GPM6B: variants seen among roughly 807,000 people sequenced by gnomAD.
The protein encoded by GPM6B is glycoprotein M6B, also known as neuronal membrane glycoprotein M6-b.
Under a neutral mutation model 27.2 loss-of-function variants are expected in GPM6B, and 4 were observed. The ratio of observed to expected loss-of-function variants is 0.15; its 90% CI spans 0.07 to 0.34. The LOEUF (loss-of-function observed/expected upper bound fraction) is 0.34, where lower values mean the gene tolerates loss of function less well. Among genes scored for constraint, GPM6B ranks in the 10% least tolerant of loss-of-function variants. The pLI, the probability that GPM6B is intolerant of heterozygous loss-of-function variation, is 1.00. For synonymous variants in GPM6B, 124 were observed against 103.1 expected, an observed-to-expected ratio of 1.20 and a Z score of -1.23; for missense variants, 183 against 261.9, an observed-to-expected ratio of 0.70 and a Z score of 2.08.
chrX:13,853,716 G>C (rs2049748377), intron 1 of GPM6B, among the ~76,000 whole-genome samples: 1 of 109,124 alleles, frequency 9.2e-6, no homozygotes, highest in African/African-American at 3.3e-5. Context: ...CCCTACCAAT[G>C]AAGTCACAAT....
At chrX:13,923,047 G>C (rs1454138757) in intron 1 of GPM6B, among the ~76,000 whole-genome samples, 1 of 111,465 alleles carries the variant, frequency 9.0e-6, no homozygotes, top group South Asian at 3.8e-4. Context: ...GTGGTGGTAC[G>C]CACCTGTAAT....
intron 1 of GPM6B, among the ~76,000 whole-genome samples, chrX:13,838,057 G>A (rs950922631): frequency 5.5e-5 from 6 of 109,259 alleles, no homozygotes; most frequent in African/African-American, 2.0e-4. Context: ...CTTAGTAAGG[G>A]GCAATCTTCA....
upstream of GPM6B, among the ~76,000 whole-genome samples, chrX:13,820,711 T>C (rs2049298026): frequency 8.9e-6 from 1 of 111,764 alleles, no homozygotes; most frequent in Admixed American, 9.5e-5. Context: ...TGTTATTCAC[T>C]TATTTGTTCA....
chrX:13,822,909 C>T (rs780198210), intron 1 of GPM6B, among the ~76,000 whole-genome samples: 88 of 112,219 alleles, frequency 7.8e-4, no homozygotes, highest in African/African-American at 2.7e-3. Context: ...AAACTGGACA[C>T]ATAGCATGGA....
intron 1 of GPM6B, among the ~76,000 whole-genome samples, chrX:13,901,310 G>C (rs1259146796): frequency 9.0e-6 from 1 of 111,166 alleles, no homozygotes; most frequent in East Asian, 2.8e-4. Flanking sequence ...AGGAAGATGT[G>C]AGGGAAAGCA....
chrX:13,810,540 G>A (rs1310392497), intron 1 of GPM6B, among the ~76,000 whole-genome samples: 1 of 111,035 alleles, frequency 9.0e-6, no homozygotes, highest in African/African-American at 3.3e-5. Context: ...CCCAAGCCAG[G>A]CCATGCAATT....
chrX:13,887,011 G>C (rs938144042), intron 1 of GPM6B, among the ~76,000 whole-genome samples: 1 of 111,513 alleles, frequency 9.0e-6, no homozygotes, highest in Non-Finnish European at 1.9e-5. Context: ...TAGAGGTAGG[G>C]TTTTGCCATG....
chrX:13,924,847 T>G (rs1921091366), intron 1 of GPM6B, among the ~76,000 whole-genome samples: 1 of 111,963 alleles, frequency 8.9e-6, no homozygotes, highest in Non-Finnish European at 1.9e-5. Flanking sequence ...CAAAATTAAT[T>G]GTGGTATGTT....
intron 1 of GPM6B, among the ~76,000 whole-genome samples, chrX:13,861,284 T>C (rs1167919345): frequency 4.5e-5 from 5 of 110,327 alleles, no homozygotes; most frequent in Admixed American, 1.9e-4. Context: ...CACGTGCAAG[T>C]ATCTTTTTCA....
chrX:13,888,983 G>A (rs1174527445), intron 1 of GPM6B: 4 of 111,484 alleles, frequency 3.6e-5, no homozygotes, highest in Non-Finnish European at 5.6e-5. Context: ...CAATTTACCT[G>A]GGGCCTTTGT....
At chrX:13,887,163 C>T (rs981031759) in intron 1 of GPM6B, among the ~76,000 whole-genome samples, 1 of 112,153 alleles carries the variant, frequency 8.9e-6, no homozygotes. Flanking sequence ...CCTATCCATG[C>T]CAATCTGTCC....
At chrX:13,813,711 A>G (rs1392299714) in intron 1 of GPM6B, among the ~76,000 whole-genome samples, 1 of 112,159 alleles carries the variant, frequency 8.9e-6, no homozygotes, top group Non-Finnish European at 1.9e-5. Flanking sequence ...ACTGAAATCA[A>G]TGGAAACCGA....
intron 4 of GPM6B, among the ~76,000 whole-genome samples, chrX:13,782,002 G>A (rs913795651): frequency 3.6e-5 from 4 of 111,815 alleles, no homozygotes; most frequent in African/African-American, 9.8e-5. Flanking sequence ...CACCTCACAT[G>A]ACTTTCTGTC....
intron 1 of GPM6B, among the ~76,000 whole-genome samples, chrX:13,847,890 A>T (rs1392619981): frequency 1.8e-5 from 2 of 112,319 alleles, no homozygotes; most frequent in Non-Finnish European, 3.8e-5. Flanking sequence ...AATTTAAAGC[A>T]GTGTGGCTAG....
At chrX:13,777,261 T>G in intron 6 of GPM6B, 91 bp downstream of exon 6, 1 of 635,269 alleles carries the variant, frequency 1.6e-6, no homozygotes, top group South Asian at 2.4e-5. Flanking sequence ...TAATGGCATT[T>G]TAACCATCTC....
chrX:13,898,433 A>G (rs1435195072), intron 1 of GPM6B, among the ~76,000 whole-genome samples: 2 of 112,321 alleles, frequency 1.8e-5, no homozygotes, highest in African/African-American at 6.5e-5. Flanking sequence ...ACTGCTGCTC[A>G]AAGTATGGTT....
chrX:13,787,041 C>CAAAAAAAAAAAAAAAAAAAAAAAA (rs869123073), intron 2 of GPM6B, among the ~76,000 whole-genome samples: 2 of 24,511 alleles, frequency 8.2e-5, no homozygotes, highest in African/African-American at 4.1e-4. Context: ...ATTAAGCCAG[C>CAAAAAAAAAAAAAAAAAAAAAAAA]AAAAAAAAAA....
chrX:13,867,895 G>C (rs1390415726), intron 1 of GPM6B, among the ~76,000 whole-genome samples: 1 of 111,733 alleles, frequency 8.9e-6, no homozygotes, highest in Non-Finnish European at 1.9e-5. Flanking sequence ...GAGCCCAAAT[G>C]ATGTGTTCAC....
chrX:13,929,430 A>AT (rs1369511077), intron 1 of GPM6B, among the ~76,000 whole-genome samples: 5 of 50,467 alleles, frequency 9.9e-5, no homozygotes, highest in Admixed American at 1.7e-4. Context: ...TAAGAAAAAG[A>AT]TTAAAAAAAA....
Sources: gnomAD v4.1 joint callset for allele counts (sites outside exome capture counted in the v4.1 genomes callset) on GRCh38, gnomAD v4.1.1 for gene constraint, MANE v1.5 for transcripts, NCBI Gene and HGNC (gene_info 2026-07-23, HGNC 2026-07-21) for gene names.